FHIT: variants seen among roughly 807,000 people sequenced by gnomAD.
FHIT encodes the protein bis(5'-adenosyl)-triphosphatase.
A neutral mutation model predicts 17.9 loss-of-function variants in FHIT; 19 were observed. That is an observed-to-expected ratio of 1.06 (90% CI 0.74 to 1.56). The LOEUF (loss-of-function observed/expected upper bound fraction) is 1.56. Among genes scored for constraint, FHIT ranks in the 40% most tolerant of loss-of-function variants. The pLI is 0.00. For synonymous variants in FHIT, 81 were observed against 69.7 expected (o/e 1.16, Z -0.81); for missense variants, 248 against 189.2 (o/e 1.31, Z -1.82).
At chr3:60,399,151 A>C (rs1402738610) in intron 5 of FHIT, among the ~76,000 whole-genome samples, 1 of 152,182 alleles carries the variant, frequency 6.6e-6, no homozygotes, top group African/African-American at 2.4e-5. Flanking sequence ...CTTAAAGTAC[A>C]TCTGAAGGTA....
rs370125961 is a variant in FHIT at position 59,912,200 on chromosome 3, G to T, written c.348+10146C>A. ...ATCACAGTCTCCCTCCACATTTGAG[G>T]TATCTCCAACTAATGAAAATTTTGT... On this transcript the variant is annotated intron_variant, in intron 8 of 9. Coordinates refer to ENST00000492590, the MANE Select transcript of FHIT (RefSeq NM_002012.4). Among the ~76,000 whole-genome samples the T allele has an allele frequency of 9.9e-5, 15 of 152,142 alleles. No individual in the cohort carries two copies. The East Asian group carries it at 2.1e-3, about 21-fold the overall frequency.
intron 1 of FHIT, among the ~76,000 whole-genome samples, chr3:61,209,874 G>A (rs2039398395): frequency 6.6e-6 from 1 of 152,210 alleles, no homozygotes; most frequent in Non-Finnish European, 1.5e-5. Flanking sequence ...TTCCTTTGGA[G>A]GAGGAGAGGC....
intron 5 of FHIT, among the ~76,000 whole-genome samples, chr3:60,140,243 C>A (rs1420916847): frequency 1.3e-5 from 2 of 152,022 alleles, no homozygotes; most frequent in East Asian, 3.9e-4. Context: ...TTAACTGAAC[C>A]ACCATTCTCC....
intron 5 of FHIT, among the ~76,000 whole-genome samples, chr3:60,037,798 C>G (rs1701281071): frequency 6.6e-6 from 1 of 151,848 alleles, no homozygotes; most frequent in Non-Finnish European, 1.5e-5. Context: ...ACTGCAACCT[C>G]TGCCTCCCGG....
intron 5 of FHIT, among the ~76,000 whole-genome samples, chr3:60,305,669 GAGGTA>G (rs1443932676): frequency 1.3e-5 from 2 of 152,262 alleles, no homozygotes; most frequent in African/African-American, 4.8e-5. Context: ...GGGTACAGAT[GAGGTA>G]TTTACATACA....
intron 5 of FHIT, among the ~76,000 whole-genome samples, chr3:60,328,433 G>A (rs1440507649): frequency 6.6e-6 from 1 of 152,184 alleles, no homozygotes; most frequent in African/African-American, 2.4e-5. Flanking sequence ...AAGAGTAAAG[G>A]CATGTCTGAC....
intron 5 of FHIT, among the ~76,000 whole-genome samples, chr3:60,452,315 C>T (rs1031994684): frequency 6.6e-6 from 1 of 152,126 alleles, no homozygotes; most frequent in African/African-American, 2.4e-5. Flanking sequence ...ATTTCAGTAT[C>T]AGGAAAACCC....
In FHIT at chr3:60,983,346, C is replaced by T. The variant is rs549151950; in HGVS notation, c.-111+58701G>A. ...ATAGATACAAGGGTATATTTCTGAG[C>T]TGGCTGCCACTGTTACTCAGCACAA... On this transcript the variant is annotated intron_variant, in intron 3 of 9. Transcript: ENST00000492590. Among the ~76,000 whole-genome samples the T allele has an allele frequency of 1.7e-4, 26 of 152,262 alleles. No homozygotes were observed. In the South Asian group the frequency reaches 5.0e-3, roughly 29 times the overall value.
chr3:60,983,542 A>T (rs1710583905), intron 3 of FHIT, among the ~76,000 whole-genome samples: 1 of 152,062 alleles, frequency 6.6e-6, no homozygotes, highest in South Asian at 2.1e-4. Context: ...CCTGGGGGAG[A>T]TGACAGGCTG....
chr3:60,112,060 G>T (rs1190233535), intron 5 of FHIT, among the ~76,000 whole-genome samples: 5 of 152,210 alleles, frequency 3.3e-5, no homozygotes, highest in African/African-American at 1.2e-4. Context: ...GTGGCTCAGT[G>T]AAGCTAAGTA....
intron 5 of FHIT, among the ~76,000 whole-genome samples, chr3:60,136,850 G>A (rs1699837812): frequency 6.8e-6 from 1 of 147,158 alleles, no homozygotes; most frequent in Admixed American, 6.7e-5. Context: ...CATGCCCTAT[G>A]GATTAGTAAC....
chr3:60,056,471 C>T (rs114622611), intron 5 of FHIT, among the ~76,000 whole-genome samples: 50 of 152,320 alleles, frequency 3.3e-4, no homozygotes, highest in African/African-American at 1.2e-3. Context: ...AACTCTTCTG[C>T]ACTCCTTATT....
intron 3 of FHIT, among the ~76,000 whole-genome samples, chr3:60,971,093 C>T (rs536682319): frequency 2.0e-5 from 3 of 152,130 alleles, no homozygotes; most frequent in African/African-American, 7.2e-5. Flanking sequence ...ATGGGCCAGG[C>T]GCAGTGGCTT....
At chr3:60,549,156 T>C (rs1011443707) in intron 4 of FHIT, among the ~76,000 whole-genome samples, 1 of 152,186 alleles carries the variant, frequency 6.6e-6, no homozygotes, top group Non-Finnish European at 1.5e-5. Flanking sequence ...TAAGCTAATA[T>C]TGTTAAGTTG....
At chr3:60,547,463 G>C (rs746710967) in intron 4 of FHIT, among the ~76,000 whole-genome samples, 1 of 152,082 alleles carries the variant, frequency 6.6e-6, no homozygotes, top group African/African-American at 2.4e-5. Context: ...TGAAAAAAAA[G>C]GTCTCACATT....
At chr3:60,943,064 G>A (rs6794059) in intron 3 of FHIT, among the ~76,000 whole-genome samples, 1 of 152,106 alleles carries the variant, frequency 6.6e-6, no homozygotes, top group Non-Finnish European at 1.5e-5. Context: ...CTTTCTATGT[G>A]TGTATATTAT....
At chr3:59,917,262 C>T (rs56236202) in intron 8 of FHIT, among the ~76,000 whole-genome samples, 4,875 of 152,290 alleles carry the variant, frequency 0.032, 277 homozygotes, top group African/African-American at 0.11. Context: ...TTGCTATTCC[C>T]ACTTGCTTTA....
rs77901432 is a variant in FHIT at position 60,149,323 on chromosome 3, G to C, written c.104-135171C>G. On this transcript the variant is annotated intron_variant, in intron 5 of 9. Coordinates refer to ENST00000492590, the MANE Select transcript of FHIT (RefSeq NM_002012.4). ...CCACCAGCAGAAATAGAATAGTGTT[G>C]GATATACTCTTCAACATGCTTTTTT... is the stretch of plus-strand genomic sequence containing the variant. Among the ~76,000 whole-genome samples the C allele has an allele frequency of 7.8e-3, 1,144 of 146,906 alleles. 18 individuals carry two copies. The highest frequency in any genetic ancestry group is 0.027 in the African/African-American group (1,084 of 40,514).
At chr3:60,282,678 G>C (rs1211874793) in intron 5 of FHIT, among the ~76,000 whole-genome samples, 1 of 152,074 alleles carries the variant, frequency 6.6e-6, no homozygotes, top group Non-Finnish European at 1.5e-5. Context: ...GGCGGGGATG[G>C]GGGAATAGTG....
Sources: gnomAD v4.1 joint callset for allele counts (sites outside exome capture counted in the v4.1 genomes callset) on GRCh38, gnomAD v4.1.1 for gene constraint, MANE v1.5 for transcripts, NCBI Gene and HGNC (gene_info 2026-07-23, HGNC 2026-07-21) for gene names.